SDSL: variants seen among roughly 807,000 people sequenced by gnomAD.
The protein encoded by SDSL is serine dehydratase-like.
SDSL carries 26 observed loss-of-function variants against 27.6 expected under a neutral mutation model. The observed-to-expected ratio is 0.94, with a 90% CI of 0.69 to 1.31. The LOEUF (loss-of-function observed/expected upper bound fraction) is 1.31. SDSL is among the 50% of genes most tolerant of loss of function. The pLI is 0.00. For synonymous variants in SDSL, 196 were observed against 180.6 expected (o/e 1.09, Z -0.69); for missense variants, 431 against 423.5 (o/e 1.02, Z -0.16).
chr12:113,434,681 T>TA (rs1346560551), intron 5 of SDSL, among the ~76,000 whole-genome samples: 1 of 152,234 alleles, frequency 6.6e-6, no homozygotes, highest in Non-Finnish European at 1.5e-5. Context: ...TCCCAAGTGA[T>TA]ACACTTGTCC....
At chr12:113,436,527 G>C (rs1256271664) in intron 6 of SDSL, among the ~76,000 whole-genome samples, 1 of 152,196 alleles carries the variant, frequency 6.6e-6, no homozygotes, top group East Asian at 1.9e-4. Flanking sequence ...GACCTCAGGT[G>C]ATCTGCCCAC....
At chr12:113,425,785 G>A in intron 1 of SDSL, 1 of 449,618 alleles carries the variant, frequency 2.2e-6, no homozygotes. Context: ...TTGAGCTCAG[G>A]AGTTTGAGAC....
At chr12:113,426,345 G>A (rs1482449703) in intron 1 of SDSL, 3 of 425,484 alleles carry the variant, frequency 7.1e-6, no homozygotes, top group African/African-American at 2.0e-5. Flanking sequence ...CAAAATGCAC[G>A]GATCTGATTT....
At chr12:113,426,855 C>T (rs1957856883) in intron 1 of SDSL, among the ~76,000 whole-genome samples, 1 of 152,142 alleles carries the variant, frequency 6.6e-6, no homozygotes, top group Non-Finnish European at 1.5e-5. Context: ...GGGAGGACTG[C>T]TTGAGCCTGA....
Position 113,436,829 on chromosome 12 carries a change from A to G in SDSL, c.750A>G (p.Glu250=), listed in dbSNP as rs1958001573. ...TGCAGGTGTGCAAGATTCACTCTGAAGTGGTGGAGGACACCGAGGCTGTGA... is the reference window on the plus strand; with the variant it reads ...TGCAGGTGTGCAAGATTCACTCTGAGGTGGTGGAGGACACCGAGGCTGTGA... ...ECMQVCKIHS[E]VVEDTEAVSA... The change falls in exon 7 of 8, where the codon GAA becomes GAG. Residue 250 remains glutamate (E), a synonymous_variant. Coordinates refer to ENST00000403593, the MANE Select transcript of SDSL (RefSeq NM_001304993.2). The G allele has an allele frequency of 6.2e-7, 1 of 1,612,092 alleles. No individual in the cohort carries two copies. The highest frequency in any genetic ancestry group is 1.7e-5 in the Admixed American group (1 of 59,940).
In SDSL at chr12:113,438,139, TGAG is replaced by T. The variant is rs1371726595; in HGVS notation, c.*66_*68del. On this transcript the variant is annotated 3_prime_UTR_variant, in exon 8 of 8. Transcript: ENST00000403593. ...GCCCATGGACAGTCCTGTGTCTGGATGAGGAGGACTCAGTGCTGGCAGATGGCA... is the reference window on the plus strand; with the variant it reads ...GCCCATGGACAGTCCTGTGTCTGGATGAGGACTCAGTGCTGGCAGATGGCA... 1.4e-6 allele frequency: 2 copies of T among 1,418,306 alleles called. No homozygotes were observed. Among genetic ancestry groups the T allele is most frequent in the Non-Finnish European group, 1.9e-6 (2 of 1,035,460 alleles). 87.9% of individuals were successfully genotyped at this position (1,418,306 alleles called of 1,614,324 possible).
Position 113,428,506 on chromosome 12 carries a change from G to C in SDSL, c.214+47G>C, listed in dbSNP as rs544044229. On this transcript the variant is annotated intron_variant, in intron 3 of 7. Coordinates refer to ENST00000403593, the MANE Select transcript of SDSL (RefSeq NM_001304993.2). ...TCATGGGCAGAGGTTGGGGGAGGAG[G>C]AATAGGCTGGAGCGGCAGTACACAT... The C allele has an allele frequency of 2.5e-6, 4 of 1,569,852 alleles. No homozygotes were observed. In the South Asian group the frequency reaches 4.7e-5, roughly 18 times the overall value.
intron 1 of SDSL, among the ~76,000 whole-genome samples, chr12:113,424,669 C>T (rs145435688): frequency 1.1e-4 from 17 of 152,108 alleles, no homozygotes; most frequent in Middle Eastern, 6.8e-3. Flanking sequence ...GATAACGTCT[C>T]CAGAGGACTC....
chr12:113,424,085 G>A (rs1357651434), intron 1 of SDSL, among the ~76,000 whole-genome samples: 3 of 152,024 alleles, frequency 2.0e-5, no homozygotes, highest in African/African-American at 7.2e-5. Context: ...TCGGCTCACT[G>A]CAACCTCGCC....
At chr12:113,430,370 A>G (rs932499907) in intron 4 of SDSL, among the ~76,000 whole-genome samples, 3 of 152,222 alleles carry the variant, frequency 2.0e-5, no homozygotes, top group African/African-American at 7.2e-5. Flanking sequence ...TGTTTTAATC[A>G]GCTATTGTTG....
At chr12:113,431,486 G>A (rs1957920688) in intron 4 of SDSL, among the ~76,000 whole-genome samples, 1 of 151,620 alleles carries the variant, frequency 6.6e-6, no homozygotes, top group Non-Finnish European at 1.5e-5. Context: ...ACATGTGCAG[G>A]TTTGTTACAT....
intron 4 of SDSL, among the ~76,000 whole-genome samples, chr12:113,431,713 A>G (rs972202942): frequency 1.3e-5 from 2 of 151,096 alleles, no homozygotes; most frequent in African/African-American, 4.9e-5. Flanking sequence ...AGCTGGGATT[A>G]CAGGCACCCA....
intron 7 of SDSL, 53 bp from the exon 8 acceptor site, chr12:113,437,832 AC>A: frequency 6.6e-7 from 1 of 1,505,066 alleles, no homozygotes; most frequent in Non-Finnish European, 9.0e-7. Context: ...CCTGCTGAGC[AC>A]CGAGTGGTTC....
At chr12:113,424,831 G>A (rs953478081) in intron 1 of SDSL, among the ~76,000 whole-genome samples, 3 of 151,840 alleles carry the variant, frequency 2.0e-5, no homozygotes, top group African/African-American at 7.3e-5. Flanking sequence ...CACCTCCCAG[G>A]TTCAAGCAAT....
intron 4 of SDSL, among the ~76,000 whole-genome samples, chr12:113,432,288 CTT>C (rs1180061031): frequency 2.1e-4 from 26 of 126,508 alleles, no homozygotes; most frequent in African/African-American, 7.0e-4. Flanking sequence ...TTCTTTCTTT[CTT>C]TCTCTCTCTC....
chr12:113,437,954 C>T lies in SDSL; in HGVS notation c.865C>T (p.Arg289Trp), dbSNP rs113748832. 5.5e-5 allele frequency: 88 copies of T among 1,613,878 alleles called. No individual in the cohort carries two copies. Among genetic ancestry groups the T allele is most frequent in the African/African-American group, 1.1e-4 (8 of 74,942 alleles). The change falls in exon 8 of 8, where the codon CGG (arginine) becomes TGG (tryptophan). Residue 289 changes from arginine to tryptophan, a missense_variant. Arg to Trp is a moderately radical substitution (Grantham distance 101, BLOSUM62 -3). Coordinates refer to ENST00000403593, the MANE Select transcript of SDSL (RefSeq NM_001304993.2). ...AGCAGCCATCTACTCAGGCCTCCTG[C>T]GGAGGCTCCAGGCCGAGGGCTGCCT... ...ALAAIYSGLL[R>W]RLQAEGCLPP... is the part of the protein sequence containing the mutation.
intron 4 of SDSL, among the ~76,000 whole-genome samples, chr12:113,431,372 G>C (rs1957919211): frequency 6.6e-6 from 1 of 152,180 alleles, no homozygotes; most frequent in Non-Finnish European, 1.5e-5. Flanking sequence ...TGCAGGAGAG[G>C]AGCCAGAGAG....
chr12:113,429,917 T>C (rs1007893848), intron 4 of SDSL, among the ~76,000 whole-genome samples: 3 of 151,684 alleles, frequency 2.0e-5, no homozygotes, highest in African/African-American at 7.3e-5. Flanking sequence ...TGTCCTTCCT[T>C]CCCTCCCTCT....
At chr12:113,435,865 C>T (rs1957984903) in intron 6 of SDSL, among the ~76,000 whole-genome samples, 2 of 152,158 alleles carry the variant, frequency 1.3e-5, no homozygotes. Context: ...GCTTGTAATC[C>T]CAGCATTTTG....
Sources: gnomAD v4.1 joint callset for allele counts (sites outside exome capture counted in the v4.1 genomes callset) on GRCh38, gnomAD v4.1.1 for gene constraint, MANE v1.5 for transcripts, NCBI Gene and HGNC (gene_info 2026-07-23, HGNC 2026-07-21) for gene names.